The following IGF2R variants were observed in gnomAD, a reference collection of about 807,000 sequenced individuals.
IGF2R encodes cation-independent mannose-6-phosphate receptor.
Under a neutral mutation model 270.6 loss-of-function variants are expected in IGF2R, and 91 were observed. The ratio of observed to expected loss-of-function variants is 0.34; its 90% CI spans 0.28 to 0.40. IGF2R has a LOEUF of 0.40. Among genes scored for constraint, IGF2R ranks in the 10% least tolerant of loss-of-function variants. The pLI is 1.00. For synonymous variants in IGF2R, 1,316 were observed against 1,258.9 expected (o/e 1.05, Z -0.96); for missense variants, 2,805 against 3,188.3 (o/e 0.88, Z 2.90).
At chr6:160,083,125 A>G (rs1779022119) in intron 39 of IGF2R, among the ~76,000 whole-genome samples, 1 of 152,196 alleles carries the variant, frequency 6.6e-6, no homozygotes, top group Non-Finnish European at 1.5e-5. Context: ...GCAAAAAAGG[A>G]ATGTAGTAGG....
rs1784029748 is a variant in IGF2R at position 159,994,925 on chromosome 6, T to G, written c.289+3602T>G. Among the ~76,000 whole-genome samples the G allele has an allele frequency of 2.0e-5, 3 of 152,188 alleles. 1 individual carries two copies. The highest frequency in any genetic ancestry group is 2.0e-4 in the Admixed American group (3 of 15,278). On this transcript the variant is annotated intron_variant, in intron 2 of 47. Transcript: ENST00000356956. ...GAATGTATGTCCTGTGGTTGTTGGG[T>G]AGAATGATCTTTAAATGTCTTTTAG...
rs139019277 is a variant in IGF2R, at chr6:160,080,133, C to T, written c.5691C>T (p.Thr1897=). 5.5e-5 allele frequency: 89 copies of T among 1,613,950 alleles called. No homozygotes were observed. Among genetic ancestry groups the T allele is most frequent in the East Asian group, 1.8e-4 (8 of 44,878 alleles). The part of the protein sequence containing the change: ...YVNGDRCPPE[T]DDGVPCVFPF... ...TAATGTTCTTCTTCTTTCCAGAAAC[C>T]GATGACGGCGTCCCCTGTGTCTTCC... The change falls in exon 39 of 48, where the codon ACC becomes ACT. Residue 1897 remains threonine, a synonymous_variant. Coordinates refer to ENST00000356956, the MANE Select transcript of IGF2R (RefSeq NM_000876.4).
intron 39 of IGF2R, among the ~76,000 whole-genome samples, chr6:160,083,328 G>A (rs1486148447): frequency 5.3e-5 from 8 of 152,272 alleles, no homozygotes; most frequent in East Asian, 3.9e-4. Flanking sequence ...CTCGCCTCCC[G>A]CCACAGGGCA....
At chr6:160,012,539 C>T (rs960487475) in intron 4 of IGF2R, among the ~76,000 whole-genome samples, 81 of 151,590 alleles carry the variant, frequency 5.3e-4, no homozygotes, top group African/African-American at 1.9e-3. Flanking sequence ...GGGGAGGTGC[C>T]GCCCACTTTG....
intron 7 of IGF2R, among the ~76,000 whole-genome samples, chr6:160,030,775 T>C (rs1159615005): frequency 6.6e-6 from 1 of 151,976 alleles, no homozygotes; most frequent in Non-Finnish European, 1.5e-5. Flanking sequence ...TTCTTGGTGT[T>C]AGAAGAAGAG....
rs755145153 is a variant in IGF2R, at chr6:160,058,910, A to G, written c.2903A>G (p.Asn968Ser). 2.5e-6 allele frequency: 4 copies of G among 1,613,992 alleles called. No individual in the cohort carries two copies. In the South Asian group the frequency reaches 4.4e-5, roughly 18 times the overall value. ...CTCTTACCGTCTGACCTGCAGTTTA[A>G]TGTCTGCGGCACAATGCCTGTCTGT... ...VSGIGKIFMF[N>S]VCGTMPVCGT... is the part of the protein sequence containing the mutation. Residue 968 changes from asparagine (N) to serine (S), a missense_variant, in exon 22 of 48, where the codon AAT (asparagine) becomes AGT (serine). Coordinates refer to ENST00000356956, the MANE Select transcript of IGF2R (RefSeq NM_000876.4).
intron 37 of IGF2R, 140 bp from the exon 38 acceptor site, chr6:160,079,440 C>A: frequency 3.8e-6 from 2 of 523,542 alleles, no homozygotes; most frequent in Non-Finnish European, 6.0e-6. Flanking sequence ...AAGGCGATTG[C>A]GTGGCTCTGA....
chr6:160,004,804 T>A lies in IGF2R; in HGVS notation c.290-4206T>A, dbSNP rs1417423972. ...GTCACCAAACCAAAGTGGACCCGCC[T>A]GCCTGTGCACCAGGGAAAGCCAAAC... On this transcript the variant is annotated intron_variant, in intron 2 of 47. Coordinates refer to ENST00000356956, the MANE Select transcript of IGF2R (RefSeq NM_000876.4). The surrounding 1 kb of genome is among the most constrained non-coding windows in gnomAD (Gnocchi z 5.2). The A allele has an allele frequency of 6.6e-6, 1 of 152,552 alleles. No homozygotes were observed. The highest frequency in any genetic ancestry group is 1.5e-5 in the Non-Finnish European group (1 of 68,368). 9.4% of individuals were successfully genotyped at this position (152,552 alleles called of 1,614,324 possible). A position where few individuals can be genotyped will look rare whatever the true frequency, so the allele number is the denominator to read the frequency against.
At chr6:159,979,948 T>C (rs1783753733) in intron 1 of IGF2R, among the ~76,000 whole-genome samples, 1 of 151,952 alleles carries the variant, frequency 6.6e-6, no homozygotes, top group Admixed American at 6.5e-5. Flanking sequence ...TCCCAGCACT[T>C]TGGGAGGCCG....
At position 160,105,117 on chromosome 6, in the gene IGF2R, C is replaced by T. The variant is rs1486438159; in HGVS notation, c.*33C>T. 1.0e-5 allele frequency: 15 copies of T among 1,480,914 alleles called. No individual in the cohort carries two copies. Among genetic ancestry groups the T allele is most frequent in the Admixed American group, 7.5e-5 (3 of 39,748 alleles). 91.7% of individuals were successfully genotyped at this position (1,480,914 alleles called of 1,614,324 possible). A position where few individuals can be genotyped will look rare whatever the true frequency, so the allele number is the denominator to read the frequency against. ...GTGCCTGCAGGGGAGCACGGAGCCG[C>T]GGGACAGCCAAGCACCTCCAACCAA... On this transcript the variant is annotated 3_prime_UTR_variant, in exon 48 of 48. Transcript: ENST00000356956.
intron 19 of IGF2R, among the ~76,000 whole-genome samples, chr6:160,054,029 T>C (rs902631431): frequency 4.6e-5 from 7 of 152,182 alleles, no homozygotes; most frequent in African/African-American, 1.2e-4. Context: ...TAGAAGTTTT[T>C]TGATGGTCTC....
intron 39 of IGF2R, among the ~76,000 whole-genome samples, chr6:160,081,641 C>T (rs1255978505): frequency 1.3e-5 from 2 of 152,242 alleles, no homozygotes; most frequent in East Asian, 3.8e-4. Flanking sequence ...TTATCTGCAA[C>T]TGCATAAGGC....
At chr6:160,057,270 G>C (rs750255713) in intron 20 of IGF2R, among the ~76,000 whole-genome samples, 8 of 152,230 alleles carry the variant, frequency 5.3e-5, no homozygotes, top group Non-Finnish European at 1.0e-4. Context: ...ACCCTGCAGG[G>C]CATAGTAGTA....
At chr6:160,074,085 G>A in intron 35 of IGF2R, 110 bp downstream of exon 35, 1 of 741,288 alleles carries the variant, frequency 1.3e-6, no homozygotes, top group Non-Finnish European at 2.3e-6. Flanking sequence ...AAAAAAAATG[G>A]AGAAAGTAAG....
rs1470836514 is a variant in IGF2R, at chr6:160,063,603, G to C, written c.3859G>C (p.Glu1287Gln). ...KVVSSCQEKREPQGFHKVAGL... is the reference protein window; with the variant it reads ...KVVSSCQEKRQPQGFHKVAGL... ...GGTCTCCTCATGTCAGGAAAAGCGG[G>C]AACCGCAGGGATTTCACAAAGTGGC... The change falls in exon 27 of 48, where the codon GAA becomes CAA. Residue 1287 changes from glutamate to glutamine, a missense_variant. Coordinates refer to ENST00000356956, the MANE Select transcript of IGF2R (RefSeq NM_000876.4). 6.2e-7 allele frequency: 1 copy of C among 1,614,158 alleles called. No homozygotes were observed. Among genetic ancestry groups the C allele is most frequent in the East Asian group, 2.2e-5 (1 of 44,888 alleles).
intron 39 of IGF2R, among the ~76,000 whole-genome samples, 171 bp downstream of exon 39, chr6:160,080,446 G>A (rs539535774): frequency 6.6e-4 from 100 of 152,322 alleles, no homozygotes; most frequent in African/African-American, 2.3e-3. Flanking sequence ...TTGCTCTGTG[G>A]GATTGCTGGG....
intron 1 of IGF2R, among the ~76,000 whole-genome samples, chr6:159,971,225 G>T (rs1783603969): frequency 6.6e-6 from 1 of 152,226 alleles, no homozygotes; most frequent in African/African-American, 2.4e-5. Flanking sequence ...TTGGCTGATT[G>T]ATGGGACCCT....
At position 160,043,132 on chromosome 6, in the gene IGF2R, T is replaced by C. The variant is rs113655675; in HGVS notation, c.1481-16T>C. ...AGCATTGCTTTTGGCTAAAATACAC[T>C]TTTGTTTTGTTACAGAACCAGAGCA... is the stretch of plus-strand genomic sequence containing the variant. On this transcript the variant is annotated splice_polypyrimidine_tract_variant and intron_variant, in intron 11 of 47. Transcript: ENST00000356956. The C allele has an allele frequency of 8.7e-6, 14 of 1,613,422 alleles. No homozygotes were observed. The highest frequency in any genetic ancestry group is 8.0e-5 in the African/African-American group (6 of 74,904).
At chr6:159,979,542 C>T (rs1783746980) in intron 1 of IGF2R, among the ~76,000 whole-genome samples, 1 of 152,172 alleles carries the variant, frequency 6.6e-6, no homozygotes. Flanking sequence ...CTTTGCTGGA[C>T]ATGCGGAGGG....
Sources: gnomAD v4.1 joint callset for allele counts (sites outside exome capture counted in the v4.1 genomes callset) on GRCh38, gnomAD v4.1.1 for gene constraint, Gnocchi (gnomAD v3.1) non-coding constraint, MANE v1.5 for transcripts, NCBI Gene and HGNC (gene_info 2026-07-23, HGNC 2026-07-21) for gene names.